The following LMO7 variants were observed in gnomAD, a reference collection of about 807,000 sequenced individuals.
LMO7 encodes the protein LIM domain 7, also known as LIM domain only protein 7.
In LMO7, 120 loss-of-function variants were observed where a neutral mutation model predicts 206.5. That is an observed-to-expected ratio of 0.58 (90% CI 0.50 to 0.68). LMO7 has a LOEUF of 0.68. LMO7 is among the 30% of genes least tolerant of loss of function. LMO7 has a pLI of 0.00. For missense variants in LMO7, 1,959 were observed against 1,957.9 expected, an observed-to-expected ratio of 1.00 and a Z score of -0.01; for synonymous variants, 706 against 681.5, an observed-to-expected ratio of 1.04 and a Z score of -0.56.
intron 1 of LMO7, among the ~76,000 whole-genome samples, chr13:75,636,931 G>T (rs1037056920): frequency 6.6e-6 from 1 of 152,202 alleles, no homozygotes; most frequent in Non-Finnish European, 1.5e-5. Context: ...GATTGGCGCT[G>T]CCCTAACCCC....
At chr13:75,788,764 A>C (rs550736191) in intron 4 of LMO7, 1 of 152,386 alleles carries the variant, frequency 6.6e-6, no homozygotes, top group East Asian at 1.9e-4. Context: ...CAGCTCTTCT[A>C]ATATCAGTCC....
chr13:75,777,274 A>G (rs894694035), intron 4 of LMO7, among the ~76,000 whole-genome samples: 5 of 152,244 alleles, frequency 3.3e-5, no homozygotes, highest in Admixed American at 6.5e-5. Flanking sequence ...AGGAATCTGT[A>G]TAAAATAAGG....
Position 75,807,620 on chromosome 13 carries a change from G to C in LMO7, c.1337G>C (p.Arg446Thr). 6.2e-7 allele frequency: 1 copy of C among 1,614,020 alleles called. No individual in the cohort carries two copies. The highest frequency in any genetic ancestry group is 8.5e-7 in the Non-Finnish European group (1 of 1,179,894). ...CTCTCTTATGCACCAGGCTATAGAA[G>C]AGATGACCTCGAGATGGCAGCCCTG... ...KNLSYAPGYR[R>T]DDLEMAALDP... The change falls in exon 10 of 31, where the codon AGA becomes ACA. Residue 446 changes from arginine to threonine, a missense_variant. Arg to Thr is a moderately conservative substitution (Grantham distance 71). Coordinates refer to ENST00000377534, the MANE Select transcript of LMO7 (RefSeq NM_001306080.2).
intron 7 of LMO7, among the ~76,000 whole-genome samples, chr13:75,803,145 T>C (rs774086769): frequency 4.4e-4 from 67 of 152,216 alleles, no homozygotes; most frequent in Admixed American, 9.2e-4. Flanking sequence ...CTACTCCTCA[T>C]GGTCACAGCT....
At chr13:75,728,651 T>G (rs2044741590) in intron 3 of LMO7, among the ~76,000 whole-genome samples, 1 of 139,764 alleles carries the variant, frequency 7.2e-6, no homozygotes, top group Admixed American at 7.0e-5. Flanking sequence ...TTGTCAATTT[T>G]GGCTTTTGTT....
At chr13:75,845,431 T>C (rs747572742) in intron 26 of LMO7, 52 bp downstream of exon 26, 2 of 1,058,732 alleles carry the variant, frequency 1.9e-6, no homozygotes. Context: ...ATTTGTGGTA[T>C]CATGTTATGA....
At chr13:75,817,132 C>A in intron 11 of LMO7, 29 bp from the exon 12 acceptor site, 1 of 1,519,370 alleles carries the variant, frequency 6.6e-7, no homozygotes, top group Non-Finnish European at 9.1e-7. Flanking sequence ...TGTGAACTTC[C>A]GTAGTAACCA....
chr13:75,769,145 T>A (rs1255772030), intron 4 of LMO7, among the ~76,000 whole-genome samples: 1 of 152,052 alleles, frequency 6.6e-6, no homozygotes, highest in Non-Finnish European at 1.5e-5. Flanking sequence ...GACTATCAAA[T>A]GTTAAATAGA....
In LMO7 at chr13:75,823,552, T is replaced by A. The variant is rs758329336; in HGVS notation, c.2641-13T>A. The A allele has an allele frequency of 1.9e-6, 3 of 1,570,822 alleles. No homozygotes were observed. Among genetic ancestry groups the A allele is most frequent in the Non-Finnish European group, 2.6e-6 (3 of 1,148,086 alleles). On this transcript the variant is annotated splice_polypyrimidine_tract_variant and intron_variant, in intron 14 of 30. Coordinates refer to ENST00000377534, the MANE Select transcript of LMO7 (RefSeq NM_001306080.2). ...ACAGAATATCAAGTTTAAAATGATG[T>A]TTTCTTATTTAGATGGATGATGCTT... is the stretch of plus-strand genomic sequence containing the variant.
intron 11 of LMO7, among the ~76,000 whole-genome samples, chr13:75,813,946 T>A (rs1434671183): frequency 6.6e-6 from 1 of 152,224 alleles, no homozygotes; most frequent in African/African-American, 2.4e-5. Flanking sequence ...GAAAAATTTT[T>A]CCTGCCTCTT....
Position 75,855,126 on chromosome 13 carries a change from G to T in LMO7, c.4662-134G>T, listed in dbSNP as rs574403653. On this transcript the variant is annotated intron_variant, in intron 28 of 30. Coordinates refer to ENST00000377534, the MANE Select transcript of LMO7 (RefSeq NM_001306080.2). ...GGCACTCTTTAGTTGGCTGGTAAAA[G>T]TTATTCTCCCACAGATATATGTATA... The T allele has an allele frequency of 1.1e-5, 6 of 523,834 alleles. No homozygotes were observed. The South Asian group carries it at 2.1e-4, about 19-fold the overall frequency. The allele number at this position is 523,834 out of a possible 1,614,324, so 32.4% of individuals were successfully genotyped here. A position where few individuals can be genotyped will look rare whatever the true frequency, so the allele number is the denominator to read the frequency against.
intron 4 of LMO7, among the ~76,000 whole-genome samples, chr13:75,787,496 T>G (rs1269143943): frequency 6.6e-6 from 1 of 152,164 alleles, no homozygotes; most frequent in Non-Finnish European, 1.5e-5. Context: ...TAATAACAAA[T>G]TATTTTTAAC....
intron 1 of LMO7, among the ~76,000 whole-genome samples, chr13:75,701,538 T>C (rs1005401263): frequency 6.6e-6 from 1 of 152,170 alleles, no homozygotes; most frequent in Admixed American, 6.5e-5. Context: ...CTTTTTGCTG[T>C]TGAGAACCCA....
In LMO7 at chr13:75,819,398, T is replaced by C. The variant is rs2057361791; in HGVS notation, c.2070T>C (p.Leu690=). The part of the protein sequence containing the change: ...KEQDQKWQDD[L]AKWKDRRKSY... Reference sequence around the variant, plus strand: ...TGATGTGATTTTTCTGTCAGGACCTTGCAAAATGGAAAGATCGTCGAAAAA... The same window carrying C: ...TGATGTGATTTTTCTGTCAGGACCTCGCAAAATGGAAAGATCGTCGAAAAA... Residue 690 remains leucine (L), a synonymous_variant, in exon 13 of 31, where the codon CTT becomes CTC. Coordinates refer to ENST00000377534, the MANE Select transcript of LMO7 (RefSeq NM_001306080.2). 7 of 1,603,116 alleles carry C rather than the reference T, an allele frequency of 4.4e-6. No homozygotes were observed. Among genetic ancestry groups the C allele is most frequent in the Non-Finnish European group, 5.9e-6 (7 of 1,176,596 alleles).
intron 1 of LMO7, among the ~76,000 whole-genome samples, chr13:75,640,645 G>A (rs554521880): frequency 1.8e-4 from 28 of 152,214 alleles, no homozygotes; most frequent in African/African-American, 2.2e-4. Context: ...GGCAGGAATC[G>A]TATCTTATTT....
chr13:75,727,901 T>G (rs1172183511), intron 3 of LMO7, among the ~76,000 whole-genome samples: 6 of 152,066 alleles, frequency 3.9e-5, no homozygotes, highest in Non-Finnish European at 8.8e-5. Context: ...TTGCGATAGT[T>G]TACTGAGAAT....
At chr13:75,642,461 AAAAAG>A (rs1469269465) in intron 1 of LMO7, among the ~76,000 whole-genome samples, 1 of 151,034 alleles carries the variant, frequency 6.6e-6, no homozygotes, top group Non-Finnish European at 1.5e-5. Flanking sequence ...AAAAAAAAAA[AAAAAG>A]GTGGCACACA....
At chr13:75,632,456 A>G (rs1044401437), upstream of LMO7, among the ~76,000 whole-genome samples, 4 of 152,362 alleles carry the variant, frequency 2.6e-5, no homozygotes, top group African/African-American at 7.2e-5. Context: ...ATAACCTTCA[A>G]CCTTCATTTA....
intron 4 of LMO7, among the ~76,000 whole-genome samples, chr13:75,778,942 A>C (rs1471094788): frequency 6.6e-6 from 1 of 152,184 alleles, no homozygotes; most frequent in Non-Finnish European, 1.5e-5. Context: ...GGAGAAGGGT[A>C]TAAGGCAAGA....
Sources: gnomAD v4.1 joint callset for allele counts (sites outside exome capture counted in the v4.1 genomes callset) on GRCh38, gnomAD v4.1.1 for gene constraint, MANE v1.5 for transcripts, NCBI Gene and HGNC (gene_info 2026-07-23, HGNC 2026-07-21) for gene names.